EXOC2: variants seen among roughly 807,000 people sequenced by gnomAD.
EXOC2 encodes the protein exocyst complex component 2, also known as SEC5-like 1.
EXOC2 carries 70 observed loss-of-function variants against 131.8 expected under a neutral mutation model. The observed-to-expected ratio is 0.53, with a 90% CI of 0.44 to 0.65. The LOEUF is 0.65. Among genes scored for constraint, EXOC2 ranks in the 30% least tolerant of loss-of-function variants. The pLI is 0.00. For synonymous variants in EXOC2, 411 were observed against 398.4 expected (o/e 1.03, Z -0.38); for missense variants, 923 against 1,108.6 (o/e 0.83, Z 2.38).
At chr6:542,552 TA>T (rs1438544150) in intron 22 of EXOC2, among the ~76,000 whole-genome samples, 1 of 152,170 alleles carries the variant, frequency 6.6e-6, no homozygotes, top group African/African-American at 2.4e-5. Flanking sequence ...AAGGCAGTCC[TA>T]GAAAAATACA....
At chr6:623,272 G>A (rs762951853) in intron 4 of EXOC2, among the ~76,000 whole-genome samples, 13 of 152,082 alleles carry the variant, frequency 8.5e-5, no homozygotes, top group East Asian at 1.9e-4. Context: ...CCACCCACCC[G>A]CCAGCACCCC....
At chr6:650,306 A>C (rs901697946) in intron 1 of EXOC2, among the ~76,000 whole-genome samples, 1 of 152,324 alleles carries the variant, frequency 6.6e-6, no homozygotes, top group Non-Finnish European at 1.5e-5. Flanking sequence ...CTTATCTATA[A>C]ACAAGATGAT....
chr6:597,885 A>C lies in EXOC2; in HGVS notation c.1073+136T>G, dbSNP rs573071677. On this transcript the variant is annotated intron_variant, in intron 10 of 27. Coordinates refer to ENST00000230449, the MANE Select transcript of EXOC2 (RefSeq NM_018303.6). The stretch of plus-strand genomic sequence containing the variant: ...TGATGTCCTACGCCAGATAACCCTA[A>C]ATTTCTGCTATTTGTCTTCCCCTTC... 2.1e-5 allele frequency: 13 copies of C among 614,462 alleles called. 1 individual carries two copies. The South Asian group carries it at 3.0e-4, about 14-fold the overall frequency. The allele number at this position is 614,462 out of a possible 1,614,324, so 38.1% of individuals were successfully genotyped here.
intron 13 of EXOC2, among the ~76,000 whole-genome samples, chr6:568,571 CCTATTGGTT>C (rs1162546709): frequency 6.6e-6 from 1 of 152,084 alleles, no homozygotes; most frequent in Admixed American, 6.5e-5. Context: ...GCATACACAT[CCTATTGGTT>C]CTATTGCCCT....
In EXOC2 at chr6:564,946, A is replaced by G; in HGVS notation, c.1444-17T>C. 6.4e-7 allele frequency: 1 copy of G among 1,567,876 alleles called. No individual in the cohort carries two copies. The highest frequency in any genetic ancestry group is 8.7e-7 in the Non-Finnish European group (1 of 1,155,696). On this transcript the variant is annotated splice_polypyrimidine_tract_variant and intron_variant, in intron 13 of 27. Coordinates refer to ENST00000230449, the MANE Select transcript of EXOC2 (RefSeq NM_018303.6). Reference sequence around the variant, plus strand: ...CTCAGCAGTCTTAAAAATTAAAAAAACAAAATAAAACATATTAGAAATAAT... The same window carrying G: ...CTCAGCAGTCTTAAAAATTAAAAAAGCAAAATAAAACATATTAGAAATAAT...
chr6:675,548 A>C (rs62386483), intron 1 of EXOC2, among the ~76,000 whole-genome samples: 15,115 of 36,102 alleles, frequency 0.42, 3,011 homozygotes, highest in East Asian at 0.81. Context: ...GGAGACTCTG[A>C]GGTTCCCCAT....
chr6:637,721 G>C lies in EXOC2; in HGVS notation c.98C>G (p.Thr33Ser). Residue 33 changes from threonine to serine, a missense_variant, in exon 2 of 28, where the codon ACT becomes AGT. Transcript: ENST00000230449. ...KVTIRGENLG[T>S]GPTDLIGLTI... The stretch of plus-strand genomic sequence containing the variant: ...CTTACCTATGAGGTCGGTGGGGCCA[G>C]TCCCCAGATTTTCTCCCCTGATTGT... 6.2e-7 allele frequency: 1 copy of C among 1,613,738 alleles called. No individual in the cohort carries two copies. Among genetic ancestry groups the C allele is most frequent in the Non-Finnish European group, 8.5e-7 (1 of 1,179,848 alleles).
chr6:522,849 C>T (rs181010127), intron 23 of EXOC2, among the ~76,000 whole-genome samples: 5 of 152,160 alleles, frequency 3.3e-5, no homozygotes, highest in Non-Finnish European at 5.9e-5. Flanking sequence ...TAGCAATGGC[C>T]CAGTGTAGAC....
intron 1 of EXOC2, among the ~76,000 whole-genome samples, chr6:687,472 C>A (rs1403256540): frequency 1.3e-5 from 2 of 152,122 alleles, no homozygotes; most frequent in African/African-American, 4.8e-5. Context: ...CACTGAGCCA[C>A]TGAACTTATC....
intron 1 of EXOC2, among the ~76,000 whole-genome samples, chr6:676,835 T>G (rs202130893): frequency 3.1e-4 from 16 of 51,918 alleles, no homozygotes; most frequent in African/African-American, 7.2e-4. Context: ...CAGGTTCCTC[T>G]GGTGACTCTG....
intron 24 of EXOC2, 28 bp downstream of exon 24, chr6:499,617 C>T: frequency 6.3e-7 from 1 of 1,591,456 alleles, no homozygotes; most frequent in South Asian, 1.1e-5. Flanking sequence ...TTATCCATAT[C>T]TCTTAGGAAC....
intron 11 of EXOC2, among the ~76,000 whole-genome samples, chr6:589,160 A>G (rs902970867): frequency 4.6e-5 from 7 of 152,248 alleles, no homozygotes; most frequent in Admixed American, 4.6e-4. Flanking sequence ...TCCAGTGAAT[A>G]TGGTGACTGC....
At position 637,753 on chromosome 6, in the gene EXOC2, C is replaced by T. The variant is rs1561955902; in HGVS notation, c.66G>A (p.Thr22=). The T allele has an allele frequency of 2.5e-6, 4 of 1,613,794 alleles. No homozygotes were observed. The highest frequency in any genetic ancestry group is 1.1e-5 in the South Asian group (1 of 90,992). The change falls in exon 2 of 28, where the codon ACG becomes ACA. Residue 22 remains threonine (T), a synonymous_variant. Coordinates refer to ENST00000230449, the MANE Select transcript of EXOC2 (RefSeq NM_018303.6). ...GATTTTCTCCCCTGATTGTGACCTT[C>T]GTCCATGGTATCCCTTCATTTGGAG... The part of the protein sequence containing the change: ...GISPNEGIPW[T]KVTIRGENLG...
At chr6:652,370 A>G (rs1376227729) in intron 1 of EXOC2, among the ~76,000 whole-genome samples, 1 of 152,240 alleles carries the variant, frequency 6.6e-6, no homozygotes, top group Non-Finnish European at 1.5e-5. Context: ...CCACACTACC[A>G]CAGGTGGAAT....
Position 485,170 on chromosome 6 carries a change from T to C in EXOC2, c.*1501A>G, listed in dbSNP as rs1762982003. 6.6e-6 allele frequency: 1 copy of C among 152,238 alleles called. No homozygotes were observed. Among genetic ancestry groups the C allele is most frequent in the Admixed American group, 6.5e-5 (1 of 15,278 alleles). 9.4% of individuals were successfully genotyped at this position (152,238 alleles called of 1,614,324 possible). A position where few individuals can be genotyped will look rare whatever the true frequency, so the allele number is the denominator to read the frequency against. ...CAACTTACATTAAAGGCAGATTCTTTATTGGCTGAATGTGCTGTAGTAGAT... is the reference window on the plus strand; with the variant it reads ...CAACTTACATTAAAGGCAGATTCTTCATTGGCTGAATGTGCTGTAGTAGAT... On this transcript the variant is annotated 3_prime_UTR_variant, in exon 28 of 28. Coordinates refer to ENST00000230449, the MANE Select transcript of EXOC2 (RefSeq NM_018303.6).
chr6:554,938 T>C (rs950011883), intron 20 of EXOC2, among the ~76,000 whole-genome samples: 6 of 152,240 alleles, frequency 3.9e-5, no homozygotes, highest in African/African-American at 1.4e-4. Flanking sequence ...AACTAGGAGT[T>C]ACATATTTAC....
intron 23 of EXOC2, among the ~76,000 whole-genome samples, chr6:530,876 G>A (rs1169988615): frequency 6.6e-6 from 1 of 152,182 alleles, no homozygotes; most frequent in Non-Finnish European, 1.5e-5. Context: ...TTTCTTCCTT[G>A]TCATGACTCC....
intron 25 of EXOC2, among the ~76,000 whole-genome samples, chr6:494,427 G>A (rs2127472511): frequency 7.6e-6 from 1 of 131,886 alleles, no homozygotes; most frequent in East Asian, 2.3e-4. Context: ...AACTACAGTG[G>A]ACTATTTGCA....
At chr6:604,010 GCA>G (rs1760257313) in intron 7 of EXOC2, among the ~76,000 whole-genome samples, 1 of 152,204 alleles carries the variant, frequency 6.6e-6, no homozygotes, top group Non-Finnish European at 1.5e-5. Flanking sequence ...TAGTTCACCT[GCA>G]CATGGTTATG....
Sources: gnomAD v4.1 joint callset for allele counts (sites outside exome capture counted in the v4.1 genomes callset) on GRCh38, gnomAD v4.1.1 for gene constraint, MANE v1.5 for transcripts, NCBI Gene and HGNC (gene_info 2026-07-23, HGNC 2026-07-21) for gene names.